GFAP: variants seen among roughly 807,000 people sequenced by gnomAD.
GFAP encodes intermediate filament protein.
GFAP carries 38 observed loss-of-function variants against 49.3 expected under a neutral mutation model. The observed-to-expected ratio is 0.77, with a 90% confidence interval of 0.60 to 1.01. GFAP has a LOEUF of 1.01. Among genes scored for constraint, GFAP ranks in the 50% least tolerant of loss-of-function variants. The pLI is 0.00. For missense variants in GFAP, 463 were observed against 579.1 expected (o/e 0.80, Z 2.06); for synonymous variants, 222 against 236.4 (o/e 0.94, Z 0.56).
Position 44,913,714 on chromosome 17 carries a change from T to G in GFAP, c.618+14A>C, listed in dbSNP as rs1212684187. ...TCTCTGTGTTGAGCTTTCCTCCCTC[T>G]GCCCTGGCCTCACCTCCTCGTGGAT... is the stretch of plus-strand genomic sequence containing the variant. On this transcript the variant is annotated intron_variant, in intron 3 of 8. Coordinates refer to ENST00000588735, the MANE Select transcript of GFAP (RefSeq NM_002055.5). 1 of 1,589,874 alleles carries G rather than the reference T, an allele frequency of 6.3e-7. No individual in the cohort carries two copies. Among genetic ancestry groups the G allele is most frequent in the East Asian group, 2.2e-5 (1 of 44,794 alleles).
intron 7 of GFAP, chr17:44,908,947 G>A (rs1472815554): frequency 4.7e-5 from 7 of 150,016 alleles, no homozygotes; most frequent in Admixed American, 4.7e-4. Flanking sequence ...GAAAGAAAAA[G>A]AAAGATTAGC....
chr17:44,910,742 CTTGAACGCCCT>C, intron 6 of GFAP, 84 bp from the exon 7 acceptor site: 1 of 1,537,084 alleles, frequency 6.5e-7, no homozygotes, highest in South Asian at 1.2e-5. Context: ...ATCATGACAA[CTTGAACGCCCT>C]TTTCCTTGCC....
Position 44,905,106 on chromosome 17 carries a change from C to T in GFAP, c.*2241G>A, listed in dbSNP as rs1423973032. On this transcript the variant is annotated 3_prime_UTR_variant, in exon 9 of 9. Transcript: ENST00000588735. ...TCAGCTCTGAAGACCAGTTGTCCTT[C>T]AATGTGTTTGTTAAATGATACCAGA... 7.5e-6 allele frequency: 11 copies of T among 1,462,552 alleles called. No individual in the cohort carries two copies. The highest frequency in any genetic ancestry group is 1.0e-5 in the Non-Finnish European group (11 of 1,085,472). 90.6% of individuals were successfully genotyped at this position (1,462,552 alleles called of 1,614,324 possible).
Position 44,913,745 on chromosome 17 carries a change from T to G in GFAP, c.601A>C (p.Arg201=), listed in dbSNP as rs780846365. The part of the protein sequence containing the change: ...ESLEEEIRFL[R]KIHEEEVREL... Reference sequence around the variant, plus strand: ...GGCCTCACCTCCTCGTGGATCTTCCTCAAGAACCGGATCTCCTCCTCCAGC... The same window carrying G: ...GGCCTCACCTCCTCGTGGATCTTCCGCAAGAACCGGATCTCCTCCTCCAGC... Residue 201 remains arginine, a synonymous_variant, in exon 3 of 9, where the codon AGG becomes CGG. Transcript: ENST00000588735. The G allele has an allele frequency of 6.2e-7, 1 of 1,613,848 alleles. No homozygotes were observed.
chr17:44,911,987 C>T (rs925990250), intron 4 of GFAP, among the ~76,000 whole-genome samples, 190 bp from the exon 5 acceptor site: 16 of 152,218 alleles, frequency 1.1e-4, no homozygotes, highest in Non-Finnish European at 2.9e-5. Context: ...TAGCACAACA[C>T]CTGGTCAGCA....
Position 44,911,472 on chromosome 17 carries a change from G to T in GFAP, c.907-16C>A. On this transcript the variant is annotated splice_polypyrimidine_tract_variant and intron_variant, in intron 5 of 8. Transcript: ENST00000588735. ...GGGACTCGTTCTGTGGGATGGAGCC[G>T]GCCGGTCCCGCGGAGCCCCGACCCG... The T allele has an allele frequency of 6.3e-7, 1 of 1,589,666 alleles. No individual in the cohort carries two copies. The highest frequency in any genetic ancestry group is 8.6e-7 in the Non-Finnish European group (1 of 1,168,692).
Position 44,910,165 on chromosome 17 carries a change from C to T in GFAP, c.1171+450G>A. The T allele has an allele frequency of 6.2e-7, 1 of 1,613,978 alleles. No homozygotes were observed. Among genetic ancestry groups the T allele is most frequent in the Admixed American group, 1.7e-5 (1 of 60,032 alleles). ...CCGCGAGCCGGCGGCGTTCCATTTA[C>T]AATCTGGTGAGCCTGTATTGGTATA... is the stretch of plus-strand genomic sequence containing the variant. On this transcript the variant is annotated intron_variant, in intron 7 of 8. Coordinates refer to ENST00000588735, the MANE Select transcript of GFAP (RefSeq NM_002055.5).
intron 4 of GFAP, 73 bp downstream of exon 4, chr17:44,913,196 C>A (rs1366140831): frequency 3.5e-5 from 50 of 1,433,360 alleles, no homozygotes; most frequent in Non-Finnish European, 4.6e-5. Flanking sequence ...CCTCCACCCT[C>A]CTTCCCCCAT....
Position 44,906,788 on chromosome 17 carries a change from T to TC in GFAP, c.*558dup. On this transcript the variant is annotated 3_prime_UTR_variant, in exon 9 of 9. Coordinates refer to ENST00000588735, the MANE Select transcript of GFAP (RefSeq NM_002055.5). The stretch of plus-strand genomic sequence containing the variant: ...GGGTAGACTGCTTGAGCCCAGGAGT[T>TC]CAAGGTCAGCCTAGGCAGCATAGGG... 5.4e-6 allele frequency: 1 copy of TC among 184,352 alleles called. No individual in the cohort carries two copies. The allele number at this position is 184,352 out of a possible 1,614,324, so 11.4% of individuals were successfully genotyped here. A position where few individuals can be genotyped will look rare whatever the true frequency, so the allele number is the denominator to read the frequency against.
intron 1 of GFAP, 73 bp from the exon 2 acceptor site, chr17:44,914,161 G>GAGGC (rs920635397): frequency 9.7e-6 from 11 of 1,133,976 alleles, no homozygotes; most frequent in African/African-American, 3.1e-5. Context: ...AGTCTCCCTT[G>GAGGC]AGGCAGCTGT....
rs2051888424 is a variant in GFAP at position 44,915,373 on chromosome 17, G to A, written c.114C>T (p.Ser38=). 2 of 1,609,278 alleles carry A rather than the reference G, an allele frequency of 1.2e-6. No individual in the cohort carries two copies. Among genetic ancestry groups the A allele is most frequent in the Non-Finnish European group, 1.7e-6 (2 of 1,176,808 alleles). The change falls in exon 1 of 9, where the codon TCC becomes TCT. Residue 38 remains serine, a synonymous_variant. Transcript: ENST00000588735. This position sits in a 1 kb window ranked among gnomAD's most constrained non-coding sequence, Gnocchi z 4.1. The part of the protein sequence containing the change: ...GRRLGPGTRL[S]LARMPPPLPT... ...GGAGTGGAGGGGGCATTCGAGCCAG[G>A]GAGAGGCGGGTGCCAGGACCCAGAC...
chr17:44,904,484 G>C lies in GFAP; in HGVS notation c.*2863C>G. On this transcript the variant is annotated 3_prime_UTR_variant, in exon 9 of 9. Coordinates refer to ENST00000588735, the MANE Select transcript of GFAP (RefSeq NM_002055.5). The stretch of plus-strand genomic sequence containing the variant: ...TGTGGTGTCTTGTGGCTCAAGGGCT[G>C]TGCCAAGGAAGCTGCGGACCAAGGC... 1.3e-6 allele frequency: 2 copies of C among 1,548,298 alleles called. No individual in the cohort carries two copies. Among genetic ancestry groups the C allele is most frequent in the Non-Finnish European group, 8.7e-7 (1 of 1,145,458 alleles).
At position 44,905,299 on chromosome 17, in the gene GFAP, A is replaced by G; in HGVS notation, c.*2048T>C. On this transcript the variant is annotated 3_prime_UTR_variant, in exon 9 of 9. Transcript: ENST00000588735. Reference sequence around the variant, plus strand: ...ACTGAGCTCAGGATGGAAGTAGGGCACATGTGTTTCCTGACTTCACATTTA... The same window carrying G: ...ACTGAGCTCAGGATGGAAGTAGGGCGCATGTGTTTCCTGACTTCACATTTA... 1 of 555,590 alleles carries G rather than the reference A, an allele frequency of 1.8e-6. No homozygotes were observed. The highest frequency in any genetic ancestry group is 3.3e-6 in the Non-Finnish European group (1 of 304,874). The allele number at this position is 555,590 out of a possible 1,614,324, so 34.4% of individuals were successfully genotyped here. A position where few individuals can be genotyped will look rare whatever the true frequency, so the allele number is the denominator to read the frequency against.
chr17:44,907,279 G>A lies in GFAP; in HGVS notation c.*68C>T. 6.8e-7 allele frequency: 1 copy of A among 1,471,264 alleles called. No individual in the cohort carries two copies. The highest frequency in any genetic ancestry group is 1.1e-5 in the South Asian group (1 of 88,134). The allele number at this position is 1,471,264 out of a possible 1,614,324, so 91.1% of individuals were successfully genotyped here. On this transcript the variant is annotated 3_prime_UTR_variant, in exon 9 of 9. Coordinates refer to ENST00000588735, the MANE Select transcript of GFAP (RefSeq NM_002055.5). Reference sequence around the variant, plus strand: ...CTGGGGAAATGTGCCAGCAGAGGCGGAGCAACTATCCTGCTTCTGCTCGGG... The same window carrying A: ...CTGGGGAAATGTGCCAGCAGAGGCGAAGCAACTATCCTGCTTCTGCTCGGG...
intron 4 of GFAP, chr17:44,912,761 C>T (rs1010338125): frequency 7.4e-5 from 16 of 215,940 alleles, no homozygotes; most frequent in Non-Finnish European, 1.1e-4. Context: ...TTTGGGTGCA[C>T]GTCAATATCA....
In GFAP at chr17:44,906,967, C is replaced by T; in HGVS notation, c.*380G>A. ...GTTCCCAGATACTCCGAGAGAACCT[C>T]CATCTCTGGCAACAGTTTCCATAAC... is the stretch of plus-strand genomic sequence containing the variant. On this transcript the variant is annotated 3_prime_UTR_variant, in exon 9 of 9. Transcript: ENST00000588735. 3.1e-6 allele frequency: 1 copy of T among 327,132 alleles called. No homozygotes were observed. Among genetic ancestry groups the T allele is most frequent in the South Asian group, 3.2e-5 (1 of 31,098 alleles). The allele number at this position is 327,132 out of a possible 1,614,324, so 20.3% of individuals were successfully genotyped here.
chr17:44,907,485 G>A (rs1374481610), intron 8 of GFAP, 97 bp from the exon 9 acceptor site: 10 of 834,394 alleles, frequency 1.2e-5, no homozygotes, highest in South Asian at 5.5e-5. Context: ...GGAAGTCCCC[G>A]ACTTCCCAGG....
At chr17:44,907,446 G>T (rs1347510436) in intron 8 of GFAP, 58 bp from the exon 9 acceptor site, 3 of 1,223,574 alleles carry the variant, frequency 2.5e-6, no homozygotes, top group East Asian at 2.3e-5. Context: ...CAGACCCCAG[G>T]TCCACCACCA....
Position 44,913,251 on chromosome 17 carries a change from G to A in GFAP, c.780+18C>T, listed in dbSNP as rs752717486. The A allele has an allele frequency of 3.1e-6, 5 of 1,612,650 alleles. No homozygotes were observed. In the South Asian group the frequency reaches 3.3e-5, roughly 11 times the overall value. ...AGGGCTGCCTGGAGGAGGCAGGCTG[G>A]CCCACAGGCAGGGCTACCTTGGAGC... On this transcript the variant is annotated intron_variant, in intron 4 of 8. Coordinates refer to ENST00000588735, the MANE Select transcript of GFAP (RefSeq NM_002055.5).
Sources: gnomAD v4.1 joint callset for allele counts (sites outside exome capture counted in the v4.1 genomes callset) on GRCh38, gnomAD v4.1.1 for gene constraint, Gnocchi (gnomAD v3.1) non-coding constraint, MANE v1.5 for transcripts, NCBI Gene and HGNC (gene_info 2026-07-23, HGNC 2026-07-21) for gene names.